CES5A: variants seen among roughly 807,000 people sequenced by gnomAD.
The protein encoded by CES5A is carboxylesterase 5A.
Under a neutral mutation model 62.9 loss-of-function variants are expected in CES5A, and 67 were observed. The observed-to-expected ratio is 1.07, with a 90% CI of 0.88 to 1.31. The LOEUF (loss-of-function observed/expected upper bound fraction) is 1.31. CES5A is among the 50% of genes most tolerant of loss of function. CES5A has a pLI of 0.00. For synonymous variants in CES5A, 296 were observed against 280.8 expected, an observed-to-expected ratio of 1.05 and a Z score of -0.54; for missense variants, 748 against 708.5, an observed-to-expected ratio of 1.06 and a Z score of -0.63.
intron 4 of CES5A, among the ~76,000 whole-genome samples, chr16:55,866,485 T>C (rs28393689): frequency 0.021 from 3,124 of 151,958 alleles, 112 homozygotes; most frequent in African/African-American, 0.072. Context: ...AGAAGTTTCC[T>C]GGGCACAGAA....
intron 1 of CES5A, among the ~76,000 whole-genome samples, chr16:55,891,849 A>T (rs1208851562): frequency 2.0e-5 from 3 of 152,074 alleles, no homozygotes; most frequent in African/African-American, 7.2e-5. Flanking sequence ...TTCTAATCTG[A>T]CTCTAGCGTA....
intron 2 of CES5A, among the ~76,000 whole-genome samples, chr16:55,936,698 A>T (rs2034379371): frequency 6.6e-6 from 1 of 152,230 alleles, no homozygotes; most frequent in East Asian, 1.9e-4. Context: ...GAGAGTAGAC[A>T]TTAGGCTGCT....
chr16:55,846,574 C>T lies in CES5A; in HGVS notation c.1605G>A (p.Arg535=). The T allele has an allele frequency of 2.5e-6, 4 of 1,614,110 alleles. No homozygotes were observed. ...GGATGGTGCTGGTCCAAAAATCCAC[C>T]CGCGGTTCTTTGAGTCTCTGTCCGA... is the stretch of plus-strand genomic sequence containing the variant. ...MSLGQRLKEP[R]VDFWTSTIPL... Residue 535 remains arginine (R), a synonymous_variant, in exon 13 of 13, where the codon CGG becomes CGA. Transcript: ENST00000290567.
At chr16:55,871,853 G>T in intron 2 of CES5A, 90 bp from the exon 3 acceptor site, 2 of 1,402,578 alleles carry the variant, frequency 1.4e-6, no homozygotes. Flanking sequence ...GGGAGGCCTG[G>T]CCGTCTCCTC....
At position 55,917,073 on chromosome 16, in the gene CES5A, A is replaced by G. The variant is rs545081044; in HGVS notation, c.-256+8250T>C. The stretch of plus-strand genomic sequence containing the variant: ...ATTTCCCTTGTTTGGCCAAACCTTG[A>G]AGGCAGGCAACCCCCAAGGCTCACT... On this transcript the variant is annotated intron_variant, in intron 1 of 12. Coordinates refer to the CES5A transcript ENST00000518005. 2.0e-5 allele frequency among the ~76,000 whole-genome samples: 3 copies of G among 152,250 alleles called. No individual in the cohort carries two copies. The East Asian group carries it at 5.8e-4, about 29-fold the overall frequency.
At chr16:55,865,848 T>G (rs547201966) in intron 5 of CES5A, 115 bp downstream of exon 5, 29 of 1,157,342 alleles carry the variant, frequency 2.5e-5, no homozygotes, top group Non-Finnish European at 1.9e-5. Flanking sequence ...AAAAAGACAA[T>G]GTGTATTAAA....
intron 1 of CES5A, among the ~76,000 whole-genome samples, chr16:55,900,605 G>C (rs776625776): frequency 6.6e-6 from 1 of 152,150 alleles, no homozygotes; most frequent in Non-Finnish European, 1.5e-5. Context: ...AGGGGCTGAA[G>C]ACCCACAGCC....
rs538788881 is a variant in CES5A, at chr16:55,856,272, G to A, written c.1125+105C>T. The A allele has an allele frequency of 7.1e-5, 66 of 925,126 alleles. No individual in the cohort carries two copies. The African/African-American group carries it at 8.2e-4, about 12-fold the overall frequency. The allele number at this position is 925,126 out of a possible 1,614,324, so 57.3% of individuals were successfully genotyped here. ...GTAAAGGTCTATTGAATGACTGAGT[G>A]AGTGAGGAGTGTCTGTGCCCTTGGC... On this transcript the variant is annotated intron_variant, in intron 9 of 12. Transcript: ENST00000290567.
intron 1 of CES5A, among the ~76,000 whole-genome samples, chr16:55,920,325 C>T (rs190121805): frequency 6.6e-6 from 1 of 152,292 alleles, no homozygotes; most frequent in Admixed American, 6.5e-5. Context: ...TGACAGGAGA[C>T]CTCTCCTTAC....
chr16:55,891,439 G>A (rs2033876812), intron 1 of CES5A, among the ~76,000 whole-genome samples: 1 of 152,206 alleles, frequency 6.6e-6, no homozygotes, highest in Non-Finnish European at 1.5e-5. Context: ...TTAGAACACA[G>A]CTTGGTTTTA....
At chr16:55,934,980 T>G (rs1283005074) in intron 2 of CES5A, among the ~76,000 whole-genome samples, 2 of 152,212 alleles carry the variant, frequency 1.3e-5, no homozygotes, top group Non-Finnish European at 2.9e-5. Context: ...TCTCACTCTG[T>G]CACTCAGGCT....
At chr16:55,945,880 C>T (rs1429287961) in intron 2 of CES5A, among the ~76,000 whole-genome samples, 4 of 152,120 alleles carry the variant, frequency 2.6e-5, no homozygotes, top group East Asian at 3.9e-4. Context: ...GGCTCTTGAT[C>T]GGCCTCCCTA....
At chr16:55,936,241 C>T (rs553880679) in intron 2 of CES5A, among the ~76,000 whole-genome samples, 12 of 152,302 alleles carry the variant, frequency 7.9e-5, no homozygotes, top group Non-Finnish European at 1.6e-4. Context: ...TTCCATGCCT[C>T]AAAGAATTAA....
chr16:55,909,747 C>T (rs577866222), intron 1 of CES5A, among the ~76,000 whole-genome samples: 2 of 152,330 alleles, frequency 1.3e-5, no homozygotes, highest in Admixed American at 1.3e-4. Context: ...ATGTCCGCTG[C>T]ACTGGCTGCC....
intron 7 of CES5A, among the ~76,000 whole-genome samples, chr16:55,860,893 A>G (rs1470947412): frequency 6.6e-6 from 1 of 152,166 alleles, no homozygotes; most frequent in African/African-American, 2.4e-5. Context: ...ATTGGAAGGG[A>G]CATAAAAGAT....
At chr16:55,950,380 A>G (rs2034541768) in intron 1 of CES5A, among the ~76,000 whole-genome samples, 1 of 152,266 alleles carries the variant, frequency 6.6e-6, no homozygotes, top group Non-Finnish European at 1.5e-5. Flanking sequence ...TAAAAGTCTA[A>G]TTAGTATTCT....
rs752219905 is a variant in CES5A, at chr16:55,869,682, G to A, written c.480C>T (p.Ser160=). The A allele has an allele frequency of 3.1e-5, 50 of 1,612,054 alleles. No individual in the cohort carries two copies. Among genetic ancestry groups the A allele is most frequent in the African/African-American group, 2.4e-4 (18 of 74,844 alleles). ...GCACGTCCTCATAGGCAGCCAGGGC[G>A]GACCCATCAAAGATGGAGGCTGAGC... The part of the protein sequence containing the change: ...KTGSASIFDG[S]ALAAYEDVLV... The change falls in exon 4 of 13, where the codon TCC becomes TCT. Residue 160 remains serine, a synonymous_variant. Transcript: ENST00000290567.
chr16:55,898,607 A>G (rs533664015), intron 1 of CES5A, among the ~76,000 whole-genome samples: 4 of 152,314 alleles, frequency 2.6e-5, no homozygotes, highest in Admixed American at 2.6e-4. Flanking sequence ...AGACCAGGAA[A>G]CTGAGACTCA....
chr16:55,863,129 C>A (rs754780391), intron 6 of CES5A, among the ~76,000 whole-genome samples: 2 of 152,194 alleles, frequency 1.3e-5, no homozygotes, highest in East Asian at 3.9e-4. Flanking sequence ...AACGCACATA[C>A]ACACACACTT....
Sources: allele counts gnomAD v4.1 joint callset (sites outside exome capture counted in the v4.1 genomes callset), GRCh38; gene constraint gnomAD v4.1.1; transcripts MANE v1.5; gene names NCBI Gene and HGNC (gene_info 2026-07-23, HGNC 2026-07-21).